Variants in HECW2 observed in about 807,000 individuals in gnomAD.
HECW2 encodes HECT, C2 and WW domain containing E3 ubiquitin protein ligase 2.
Under a neutral mutation model 175.2 loss-of-function variants are expected in HECW2, and 61 were observed. The observed-to-expected ratio is 0.35, with a 90% confidence interval of 0.28 to 0.43. HECW2 has a LOEUF of 0.43. Among genes scored for constraint, HECW2 ranks in the 20% least tolerant of loss-of-function variants. The probability of loss-of-function intolerance (pLI) is 1.00; values close to 1 mark genes in which losing one functional copy is unlikely to be tolerated. For missense variants in HECW2, 1,524 were observed against 2,000.5 expected (o/e 0.76, Z 4.54); for synonymous variants, 671 against 731.0 (o/e 0.92, Z 1.32).
At chr2:196,236,318 G>A (rs371034989) in intron 21 of HECW2, among the ~76,000 whole-genome samples, 3 of 152,114 alleles carry the variant, frequency 2.0e-5, no homozygotes, top group African/African-American at 4.8e-5. Context: ...AAATCTCCCC[G>A]AATCCTGACT....
chr2:196,299,071 C>T (rs934504683), intron 13 of HECW2, among the ~76,000 whole-genome samples: 5 of 152,082 alleles, frequency 3.3e-5, no homozygotes, highest in African/African-American at 1.2e-4. Context: ...TCAGCTACTT[C>T]AATATTTGCC....
chr2:196,396,429 A>G (rs1224750057), intron 2 of HECW2, among the ~76,000 whole-genome samples: 1 of 152,248 alleles, frequency 6.6e-6, no homozygotes, highest in East Asian at 1.9e-4. Flanking sequence ...CACATAGAGA[A>G]AAGTTCACAA....
chr2:196,363,664 G>GT (rs2105888848), intron 2 of HECW2, among the ~76,000 whole-genome samples: 1 of 152,210 alleles, frequency 6.6e-6, no homozygotes, highest in South Asian at 2.1e-4. Flanking sequence ...ACAAAAACAT[G>GT]TTTTTTAAAC....
intron 1 of HECW2, among the ~76,000 whole-genome samples, chr2:196,547,606 T>C (rs13411726): frequency 0.035 from 5,338 of 152,268 alleles, 307 homozygotes; most frequent in African/African-American, 0.12. Context: ...TAGTTGTGGA[T>C]ATAGATTCAG....
At chr2:196,324,109 A>G (rs1259720560) in intron 6 of HECW2, among the ~76,000 whole-genome samples, 1 of 151,978 alleles carries the variant, frequency 6.6e-6, no homozygotes, top group Admixed American at 6.5e-5. Flanking sequence ...ACCTCTCTCC[A>G]ATTAAATATT....
chr2:196,297,472 C>G (rs542008672), intron 13 of HECW2, among the ~76,000 whole-genome samples: 2 of 152,168 alleles, frequency 1.3e-5, no homozygotes, highest in Non-Finnish European at 2.9e-5. Context: ...AAATTACATG[C>G]AAATACTTAG....
At chr2:196,503,418 T>C (rs1331237197) in intron 1 of HECW2, among the ~76,000 whole-genome samples, 2 of 152,010 alleles carry the variant, frequency 1.3e-5, no homozygotes, top group Non-Finnish European at 2.9e-5. Context: ...TGGGCAGTAG[T>C]GGGTTCATCT....
chr2:196,561,970 G>A (rs1163033629), intron 1 of HECW2, among the ~76,000 whole-genome samples: 1 of 152,220 alleles, frequency 6.6e-6, no homozygotes, highest in African/African-American at 2.4e-5. Context: ...CTAAGAATAA[G>A]TTATGCCAAA....
chr2:196,583,557 T>G (rs1448578010), intron 1 of HECW2, among the ~76,000 whole-genome samples: 1 of 152,166 alleles, frequency 6.6e-6, no homozygotes, highest in Admixed American at 6.5e-5. Flanking sequence ...GACCACACTT[T>G]GAATAGCAAG....
chr2:196,368,386 CCTA>C (rs1463318982), intron 2 of HECW2, among the ~76,000 whole-genome samples: 1 of 152,178 alleles, frequency 6.6e-6, no homozygotes, highest in Non-Finnish European at 1.5e-5. Context: ...TTTCTTTTCT[CCTA>C]CTGCTTTTAG....
intron 18 of HECW2, among the ~76,000 whole-genome samples, chr2:196,256,866 T>C (rs114672982): frequency 6.5e-4 from 99 of 152,382 alleles, no homozygotes; most frequent in Non-Finnish European, 1.2e-3. Context: ...GAAGTATCTA[T>C]AGAAAGTGAA....
At chr2:196,391,842 C>T (rs1694520256) in intron 2 of HECW2, among the ~76,000 whole-genome samples, 1 of 152,182 alleles carries the variant, frequency 6.6e-6, no homozygotes, top group African/African-American at 2.4e-5. Context: ...CCTTTCCTAG[C>T]TTCTGATGGT....
intron 1 of HECW2, among the ~76,000 whole-genome samples, chr2:196,458,436 TCA>T (rs34752264): frequency 0.011 from 1,606 of 146,834 alleles, 27 homozygotes; most frequent in African/African-American, 0.036. Context: ...TCTCACTCAC[TCA>T]CACACACACA....
intron 13 of HECW2, among the ~76,000 whole-genome samples, chr2:196,301,321 A>G (rs1691042306): frequency 6.6e-6 from 1 of 152,184 alleles, no homozygotes; most frequent in Non-Finnish European, 1.5e-5. Context: ...TATTGTGAAT[A>G]GTGCCGCAAT....
intron 1 of HECW2, among the ~76,000 whole-genome samples, chr2:196,499,195 G>A (rs945469171): frequency 6.6e-6 from 1 of 151,872 alleles, no homozygotes; most frequent in African/African-American, 2.4e-5. Context: ...TTTCTGGGCA[G>A]TAGGCAAGAA....
At chr2:196,463,594 A>T (rs1044847878) in intron 1 of HECW2, among the ~76,000 whole-genome samples, 2 of 152,116 alleles carry the variant, frequency 1.3e-5, no homozygotes, top group African/African-American at 4.8e-5. Context: ...GAAAGTGCTA[A>T]TTTTTTCATC....
At chr2:196,207,202 G>A (rs1363297921) in intron 28 of HECW2, among the ~76,000 whole-genome samples, 1 of 152,188 alleles carries the variant, frequency 6.6e-6, no homozygotes, top group African/African-American at 2.4e-5. Context: ...AAGTGGGTTG[G>A]CAGAGGTATC....
chr2:196,588,019 T>C (rs1691050229), intron 1 of HECW2, among the ~76,000 whole-genome samples: 1 of 152,226 alleles, frequency 6.6e-6, no homozygotes, highest in Non-Finnish European at 1.5e-5. Context: ...AAGCAACTTC[T>C]CTTACCTTCC....
At chr2:196,237,309 G>A in intron 21 of HECW2, among the ~76,000 whole-genome samples, 1 of 152,162 alleles carries the variant, frequency 6.6e-6, no homozygotes, top group East Asian at 1.9e-4. Flanking sequence ...AGTGTACACT[G>A]TATCCAATGT....
Sources: gnomAD v4.1 joint callset for allele counts (sites outside exome capture counted in the v4.1 genomes callset) on GRCh38, gnomAD v4.1.1 for gene constraint, MANE v1.5 for transcripts, NCBI Gene and HGNC (gene_info 2026-07-23, HGNC 2026-07-21) for gene names.